SLC71A1: variants seen among roughly 807,000 people sequenced by gnomAD.
SLC71A1 encodes hippocampus abundant gene transcript 1.
At chr1:100,038,424 C>CCCACCCTGT in the SLC71A1 span, 1 of 898,062 alleles carries the variant, frequency 1.1e-6, no homozygotes, top group Non-Finnish European at 1.8e-6. Flanking sequence ...CCTCCCTTCC[C>CCCACCCTGT]CCACCCTGTC....
At chr1:100,079,025 C>CA in the SLC71A1 span, 1 of 152,546 alleles carries the variant, frequency 6.6e-6, no homozygotes, top group Non-Finnish European at 1.5e-5. Context: ...AAAATCAGGC[C>CA]AGTGAACTCC....
chr1:100,083,371 T>TA, the SLC71A1 span: 2 of 152,308 alleles, frequency 1.3e-5, no homozygotes, highest in Admixed American at 6.6e-5. Flanking sequence ...ATTTTTTTTT[T>TA]AAAAAAGTCT....
the SLC71A1 span, among the ~76,000 whole-genome samples, chr1:100,045,813 A>AAAATAAATAAATAAAT: frequency 6.6e-6 from 1 of 151,248 alleles, no homozygotes; most frequent in Non-Finnish European, 1.5e-5. Flanking sequence ...ACTCTGTCTC[A>AAAATAAATAAATAAAT]AAATAAATAA....
At chr1:100,060,502 A>G in the SLC71A1 span, among the ~76,000 whole-genome samples, 17 of 152,154 alleles carry the variant, frequency 1.1e-4, no homozygotes, top group African/African-American at 9.7e-5. Flanking sequence ...GACTTTTTCT[A>G]TCTTGCTGTT....
chr1:100,053,109 C>A, the SLC71A1 span, among the ~76,000 whole-genome samples: 11 of 152,170 alleles, frequency 7.2e-5, no homozygotes, highest in African/African-American at 2.2e-4. Context: ...TTAGAAGTGA[C>A]CCTGTTATAT....
the SLC71A1 span, chr1:100,068,647 A>G: frequency 1.0e-6 from 1 of 972,916 alleles, no homozygotes; most frequent in Admixed American, 2.1e-5. Flanking sequence ...TAATAAAAAT[A>G]TTTAATCTTG....
At chr1:100,060,418 A>C in the SLC71A1 span, among the ~76,000 whole-genome samples, 1 of 152,174 alleles carries the variant, frequency 6.6e-6, no homozygotes, top group Admixed American at 6.6e-5. Flanking sequence ...TTAAAAATCA[A>C]ATTTCTCTTT....
the SLC71A1 span, chr1:100,058,860 TATA>T: frequency 6.2e-6 from 3 of 485,062 alleles, no homozygotes; most frequent in Non-Finnish European, 1.1e-5. Context: ...ACTTAATTTT[TATA>T]ATTAGATGGA....
the SLC71A1 span, chr1:100,083,320 G>A: frequency 1.2e-4 from 18 of 152,332 alleles, no homozygotes; most frequent in Non-Finnish European, 2.4e-4. Context: ...GGTCTTAAAA[G>A]AAATGTAAAT....
the SLC71A1 span, among the ~76,000 whole-genome samples, chr1:100,081,394 GAC>G: frequency 1.3e-5 from 2 of 152,020 alleles, no homozygotes; most frequent in African/African-American, 2.4e-5. Flanking sequence ...TTGTTTCTGA[GAC>G]AGTCTTACTC....
the SLC71A1 span, chr1:100,038,178 G>C: frequency 6.8e-7 from 1 of 1,475,818 alleles, no homozygotes; most frequent in Non-Finnish European, 9.3e-7. Context: ...ACTAGCTGCT[G>C]GGGCCTGCCG....
chr1:100,053,534 A>G, the SLC71A1 span, among the ~76,000 whole-genome samples: 5 of 152,150 alleles, frequency 3.3e-5, no homozygotes, highest in Non-Finnish European at 7.4e-5. Context: ...CAACAGTTAT[A>G]TCATAGTTTG....
At chr1:100,057,487 T>A in the SLC71A1 span, among the ~76,000 whole-genome samples, 341 of 152,120 alleles carry the variant, frequency 2.2e-3, no homozygotes, top group African/African-American at 7.8e-3. Flanking sequence ...CCTGAGTAGC[T>A]TGGATTGCAG....
At chr1:100,062,167 A>G in the SLC71A1 span, 6 of 424,250 alleles carry the variant, frequency 1.4e-5, no homozygotes, top group Non-Finnish European at 2.1e-5. Flanking sequence ...CATAAGTCAC[A>G]TGTCAGAATT....
At chr1:100,072,022 G>A in the SLC71A1 span, among the ~76,000 whole-genome samples, 6 of 152,212 alleles carry the variant, frequency 3.9e-5, no homozygotes, top group Non-Finnish European at 8.8e-5. Context: ...CAGTCCATGA[G>A]GAACAAGGTC....
the SLC71A1 span, among the ~76,000 whole-genome samples, chr1:100,046,235 TTTTTTTTTTG>T: frequency 8.2e-6 from 1 of 121,846 alleles, no homozygotes; most frequent in Admixed American, 8.2e-5. Flanking sequence ...TTTTTTTTTT[TTTTTTTTTTG>T]AGACAGAGTC....
the SLC71A1 span, chr1:100,082,164 G>A: frequency 4.4e-5 from 71 of 1,613,948 alleles, no homozygotes; most frequent in Non-Finnish European, 5.5e-5. Flanking sequence ...ATACACAAGC[G>A]CCAGGAGAGG....
the SLC71A1 span, chr1:100,038,364 G>T: frequency 9.3e-5 from 137 of 1,480,788 alleles, no homozygotes; most frequent in Non-Finnish European, 1.2e-4. Context: ...CCCCCATCCG[G>T]TCTCTCCTTC....
At chr1:100,045,797 G>A in the SLC71A1 span, among the ~76,000 whole-genome samples, 17,177 of 150,882 alleles carry the variant, frequency 0.11, 1,298 homozygotes, top group Middle Eastern at 0.18. Context: ...CCTGGGTGAC[G>A]GGGAGACTCT....
Sources: gnomAD v4.1 joint callset for allele counts (sites outside exome capture counted in the v4.1 genomes callset) on GRCh38, gnomAD v4.1.1 for gene constraint, MANE v1.5 for transcripts, NCBI Gene and HGNC (gene_info 2026-07-23, HGNC 2026-07-21) for gene names.